Variants in NDST4 observed in about 807,000 individuals in gnomAD.
NDST4 encodes N-heparan sulfate sulfotransferase 4.
In NDST4, 63 loss-of-function variants were observed where a neutral mutation model predicts 100.8. That is an observed-to-expected ratio of 0.62 (90% confidence interval 0.51 to 0.77). The LOEUF (loss-of-function observed/expected upper bound fraction) is 0.77, where lower values mean the gene tolerates loss of function less well. NDST4 is among the 30% of genes least tolerant of loss of function. NDST4 has a pLI of 0.00. For synonymous variants in NDST4, 377 were observed against 361.8 expected, an observed-to-expected ratio of 1.04 and a Z score of -0.48; for missense variants, 943 against 1,018.4, an observed-to-expected ratio of 0.93 and a Z score of 1.01.
At chr4:114,938,883 G>T (rs1020442481) in intron 4 of NDST4, among the ~76,000 whole-genome samples, 4 of 152,154 alleles carry the variant, frequency 2.6e-5, no homozygotes, top group Non-Finnish European at 4.4e-5. Flanking sequence ...GTAGAAGACT[G>T]AATTATGAAA....
At position 114,856,128 on chromosome 4, in the gene NDST4, A is replaced by G. The variant is rs151210498; in HGVS notation, c.1720-3307T>C. Among the ~76,000 whole-genome samples, 12 of 151,582 alleles carry G rather than the reference A, an allele frequency of 7.9e-5. No homozygotes were observed. In the South Asian group the frequency reaches 1.0e-3, roughly 13 times the overall value. On this transcript the variant is annotated intron_variant, in intron 7 of 13. Transcript: ENST00000264363. ...CCCAGGCTGGAGTGCAGTGGTGCCAACTCGGCTCACTGCAACCTTCTCTTC... is the reference window on the plus strand; with the variant it reads ...CCCAGGCTGGAGTGCAGTGGTGCCAGCTCGGCTCACTGCAACCTTCTCTTC...
chr4:115,072,561 G>A (rs1442384706), intron 2 of NDST4, among the ~76,000 whole-genome samples: 1 of 151,844 alleles, frequency 6.6e-6, no homozygotes, highest in Non-Finnish European at 1.5e-5. Flanking sequence ...GATTTTCAGC[G>A]AAGTTTCTAA....
At chr4:115,031,431 C>A (rs1228786139) in intron 2 of NDST4, among the ~76,000 whole-genome samples, 2 of 152,080 alleles carry the variant, frequency 1.3e-5, no homozygotes, top group African/African-American at 4.8e-5. Flanking sequence ...TCTGAAAGTG[C>A]AGACTCTTCC....
At chr4:114,878,854 G>C (rs1295463434) in intron 6 of NDST4, among the ~76,000 whole-genome samples, 1 of 151,790 alleles carries the variant, frequency 6.6e-6, no homozygotes, top group Non-Finnish European at 1.5e-5. Flanking sequence ...CATATCTTTT[G>C]TAAGCAAAGC....
chr4:114,931,682 A>G (rs969061781), intron 6 of NDST4, among the ~76,000 whole-genome samples: 2 of 151,848 alleles, frequency 1.3e-5, no homozygotes, highest in Non-Finnish European at 2.9e-5. Flanking sequence ...TACCACAGAA[A>G]TGCAAAAAGG....
At chr4:114,903,983 A>C (rs115400538) in intron 6 of NDST4, among the ~76,000 whole-genome samples, 1 of 152,042 alleles carries the variant, frequency 6.6e-6, no homozygotes, top group Non-Finnish European at 1.5e-5. Flanking sequence ...TGAGGTTGTC[A>C]TTATATACCT....
intron 2 of NDST4, among the ~76,000 whole-genome samples, chr4:115,051,666 G>C (rs972399498): frequency 6.6e-6 from 1 of 151,986 alleles, no homozygotes; most frequent in Non-Finnish European, 1.5e-5. Context: ...TTCATCTGTT[G>C]GTAAGAACTT....
At chr4:115,096,591 C>T (rs934315030) in intron 1 of NDST4, among the ~76,000 whole-genome samples, 21 of 152,016 alleles carry the variant, frequency 1.4e-4, no homozygotes, top group African/African-American at 4.8e-4. Flanking sequence ...AGGACACCCT[C>T]CTTAGCTAGA....
intron 9 of NDST4, among the ~76,000 whole-genome samples, chr4:114,847,927 G>A (rs991464043): frequency 9.2e-5 from 14 of 152,082 alleles, no homozygotes; most frequent in Admixed American, 6.5e-4. Context: ...ATAATGCTAC[G>A]CTTAAAGAGA....
chr4:115,025,859 G>C lies in NDST4; in HGVS notation c.979-48585C>G, dbSNP rs113242265. Among the ~76,000 whole-genome samples the C allele has an allele frequency of 5.6e-3, 847 of 152,168 alleles. 3 individuals carry two copies. Among genetic ancestry groups the C allele is most frequent in the Middle Eastern group, 0.024 (7 of 294 alleles). ...GTACGATTTTATTGATAAGAATTAT[G>C]TAAATTCTGCAAAAATCTTTATAGA... On this transcript the variant is annotated intron_variant, in intron 2 of 13. Coordinates refer to ENST00000264363, the MANE Select transcript of NDST4 (RefSeq NM_022569.3).
intron 6 of NDST4, among the ~76,000 whole-genome samples, chr4:114,912,989 A>G (rs1046078087): frequency 3.3e-5 from 5 of 152,048 alleles, no homozygotes; most frequent in Non-Finnish European, 7.4e-5. Flanking sequence ...TCTCAATGTT[A>G]TATCAAGAGA....
Position 115,076,780 on chromosome 4 carries a change from C to G in NDST4, c.257G>C (p.Ser86Thr), listed in dbSNP as rs753272656. 1 of 1,613,982 alleles carries G rather than the reference C, an allele frequency of 6.2e-7. No individual in the cohort carries two copies. The highest frequency in any genetic ancestry group is 1.3e-5 in the African/African-American group (1 of 75,052). The change falls in exon 2 of 14, where the codon AGC becomes ACC. Residue 86 changes from serine (S) to threonine (T), a missense_variant. Around this residue, in one of 2 missense-constraint regions of NDST4, gnomAD observed 417 missense variants for 384.2 expected, o/e 1.09. Coordinates refer to ENST00000264363, the MANE Select transcript of NDST4 (RefSeq NM_022569.3). ...ATCTTGACCGAGTTGAGAGTATTGG[C>G]TCTCCACGAAGAGAAGGACAGTAGG... Reference protein sequence around the residue: ...TDPTVLLFVESQYSQLGQDII... With the variant: ...TDPTVLLFVETQYSQLGQDII...
chr4:114,847,353 G>A (rs1401703500), intron 9 of NDST4, among the ~76,000 whole-genome samples: 4 of 106,076 alleles, frequency 3.8e-5, no homozygotes, highest in Admixed American at 1.1e-4. Context: ...TCCAGCCTGG[G>A]CGACAGAGCG....
At chr4:115,102,772 G>A (rs189524102) in intron 1 of NDST4, among the ~76,000 whole-genome samples, 1 of 135,816 alleles carries the variant, frequency 7.4e-6, no homozygotes, top group African/African-American at 3.0e-5. Context: ...TCAATGGTGC[G>A]GCCTCAGTTC....
intron 2 of NDST4, among the ~76,000 whole-genome samples, chr4:115,065,614 A>G (rs1728930347): frequency 6.6e-6 from 1 of 152,068 alleles, no homozygotes; most frequent in Non-Finnish European, 1.5e-5. Flanking sequence ...GTATGATTGT[A>G]TTATTGTAAC....
At chr4:115,005,517 T>G (rs1045057370) in intron 2 of NDST4, among the ~76,000 whole-genome samples, 2 of 152,042 alleles carry the variant, frequency 1.3e-5, no homozygotes, top group Admixed American at 1.3e-4. Context: ...GAGGCCCACA[T>G]GGTTGGGGAG....
chr4:114,925,327 A>G (rs1725366382), intron 6 of NDST4, among the ~76,000 whole-genome samples: 1 of 152,194 alleles, frequency 6.6e-6, no homozygotes, highest in South Asian at 2.1e-4. Context: ...CACATAAAAT[A>G]GTTTTCTCTA....
chr4:114,913,750 A>C (rs931929521), intron 6 of NDST4, among the ~76,000 whole-genome samples: 2 of 145,182 alleles, frequency 1.4e-5, no homozygotes, highest in East Asian at 2.0e-4. Context: ...AAAAAAAAAA[A>C]CACTTTTATT....
chr4:114,984,543 A>G (rs1726856707), intron 2 of NDST4, among the ~76,000 whole-genome samples: 1 of 152,218 alleles, frequency 6.6e-6, no homozygotes, highest in South Asian at 2.1e-4. Flanking sequence ...ATGGTCTTTT[A>G]TCATACTTAA....
Sources: gnomAD v4.1 joint callset for allele counts (sites outside exome capture counted in the v4.1 genomes callset) on GRCh38, gnomAD v4.1.1 for gene constraint, gnomAD v4.1.1 regional missense constraint, MANE v1.5 for transcripts, NCBI Gene and HGNC (gene_info 2026-07-23, HGNC 2026-07-21) for gene names.